The following PRKAR2A variants were observed in gnomAD, a reference collection of about 807,000 sequenced individuals.
PRKAR2A encodes the protein protein kinase cAMP-dependent type II regulatory subunit alpha, also known as cAMP-dependent protein kinase type II-alpha regulatory subunit.
PRKAR2A carries 29 observed loss-of-function variants against 51.9 expected under a neutral mutation model. The observed-to-expected ratio is 0.56, with a 90% CI of 0.42 to 0.76. The LOEUF (loss-of-function observed/expected upper bound fraction) is 0.76, where lower values mean the gene tolerates loss of function less well. Among genes scored for constraint, PRKAR2A ranks in the 30% least tolerant of loss-of-function variants. The pLI is 0.00. For synonymous variants in PRKAR2A, 178 were observed against 186.2 expected (o/e 0.96, Z 0.36); for missense variants, 445 against 512.1 (o/e 0.87, Z 1.26).
At chr3:48,787,153 ATTATTTAT>A (rs56116620) in intron 4 of PRKAR2A, among the ~76,000 whole-genome samples, 94,629 of 149,662 alleles carry the variant, frequency 0.63, 30,767 homozygotes, top group East Asian at 0.95. Context: ...GAGAAAAGTA[ATTATTTAT>A]TTATTTATTT....
At position 48,847,385 on chromosome 3, in the gene PRKAR2A, A is replaced by T; in HGVS notation, c.212T>A (p.Val71Asp). 1.2e-6 allele frequency: 2 copies of T among 1,612,530 alleles called. No individual in the cohort carries two copies. Among genetic ancestry groups the T allele is most frequent in the Non-Finnish European group, 1.7e-6 (2 of 1,179,360 alleles). The change falls in exon 1 of 11, where the codon GTC becomes GAC. Residue 71 changes from valine to aspartate, a missense_variant. Physicochemically the swap from Val to Asp is radical, Grantham distance 152. Transcript: ENST00000265563. The surrounding 1 kb of genome is among the most constrained non-coding windows in gnomAD (Gnocchi z 4.4). ...CTCGCTGTCCCCTTTGGCGTCGGCGACACGGTCCGGGCCGGGTTCTGGCGG... is the reference window on the plus strand; with the variant it reads ...CTCGCTGTCCCCTTTGGCGTCGGCGTCACGGTCCGGGCCGGGTTCTGGCGG... ...HPPPEPGPDR[V>D]ADAKGDSESE...
At chr3:48,767,911 G>A (rs778571633) in intron 6 of PRKAR2A, among the ~76,000 whole-genome samples, 2 of 150,032 alleles carry the variant, frequency 1.3e-5, no homozygotes, top group South Asian at 2.1e-4. Flanking sequence ...GAGACAGAGC[G>A]AGACTCCATC....
chr3:48,801,900 G>GTATT (rs968763657), intron 2 of PRKAR2A, among the ~76,000 whole-genome samples: 2 of 151,314 alleles, frequency 1.3e-5, no homozygotes, highest in Admixed American at 6.6e-5. Flanking sequence ...CTAACTTTGT[G>GTATT]TATTTATTTA....
intron 5 of PRKAR2A, among the ~76,000 whole-genome samples, chr3:48,774,522 T>C (rs1184774167): frequency 6.6e-6 from 1 of 152,080 alleles, no homozygotes; most frequent in Non-Finnish European, 1.5e-5. Flanking sequence ...AAAAAGACAT[T>C]AAAATTTATT....
intron 1 of PRKAR2A, among the ~76,000 whole-genome samples, chr3:48,812,539 G>C (rs191696917): frequency 1.3e-3 from 188 of 150,326 alleles, no homozygotes; most frequent in Non-Finnish European, 2.0e-3. Context: ...CTGGAGTGCA[G>C]TGGCACAATC....
At chr3:48,800,780 TCTC>T (rs2082577181) in intron 2 of PRKAR2A, among the ~76,000 whole-genome samples, 2 of 151,906 alleles carry the variant, frequency 1.3e-5, no homozygotes, top group African/African-American at 4.8e-5. Flanking sequence ...TTCACGCCAT[TCTC>T]CTGCCTCAGC....
intron 1 of PRKAR2A, among the ~76,000 whole-genome samples, chr3:48,836,995 G>A (rs1311289000): frequency 6.6e-6 from 1 of 152,018 alleles, no homozygotes; most frequent in Non-Finnish European, 1.5e-5. Flanking sequence ...GCCAGGCATG[G>A]TGTATGCCTG....
At chr3:48,824,570 AAAG>A (rs2107414991) in intron 1 of PRKAR2A, among the ~76,000 whole-genome samples, 1 of 145,794 alleles carries the variant, frequency 6.9e-6, no homozygotes, top group Non-Finnish European at 1.5e-5. Context: ...AGAAAGAAAG[AAAG>A]AAAGAAAGAA....
chr3:48,837,754 A>C (rs941760676), intron 1 of PRKAR2A, among the ~76,000 whole-genome samples: 4 of 152,162 alleles, frequency 2.6e-5, no homozygotes, highest in African/African-American at 9.7e-5. Flanking sequence ...ACAACAGAAT[A>C]GTATTTAGCA....
At chr3:48,812,163 A>G (rs1233904495) in intron 1 of PRKAR2A, among the ~76,000 whole-genome samples, 2 of 152,184 alleles carry the variant, frequency 1.3e-5, no homozygotes, top group South Asian at 2.1e-4. Flanking sequence ...GTCCTTCAAC[A>G]TGAGTCATGT....
At chr3:48,811,797 T>C (rs1056671438) in intron 1 of PRKAR2A, among the ~76,000 whole-genome samples, 3 of 151,926 alleles carry the variant, frequency 2.0e-5, no homozygotes, top group Non-Finnish European at 4.4e-5. Flanking sequence ...ATTAATTATA[T>C]GTTATCCGAA....
chr3:48,765,615 A>G (rs1408308990), intron 6 of PRKAR2A, among the ~76,000 whole-genome samples: 3 of 151,784 alleles, frequency 2.0e-5, no homozygotes, highest in South Asian at 2.1e-4. Flanking sequence ...GAAAACACCT[A>G]AACATTTATG....
chr3:48,768,352 C>CAGAG (rs1280060416), intron 6 of PRKAR2A, among the ~76,000 whole-genome samples: 1 of 147,634 alleles, frequency 6.8e-6, no homozygotes, highest in African/African-American at 2.5e-5. Flanking sequence ...TATAGACAGA[C>CAGAG]AGAGAGACAG....
At chr3:48,765,908 G>T (rs1320048949) in intron 6 of PRKAR2A, among the ~76,000 whole-genome samples, 2 of 152,060 alleles carry the variant, frequency 1.3e-5, no homozygotes, top group Non-Finnish European at 2.9e-5. Context: ...TTAATGGGGA[G>T]ATAATATAAA....
chr3:48,758,580 CAAAAAAA>C (rs527383934), intron 8 of PRKAR2A, among the ~76,000 whole-genome samples: 8 of 51,092 alleles, frequency 1.6e-4, no homozygotes, highest in Non-Finnish European at 2.4e-4. Context: ...AAGACTGTCT[CAAAAAAA>C]AAAAAAAAAA....
intron 1 of PRKAR2A, among the ~76,000 whole-genome samples, chr3:48,846,960 A>T (rs2107479718): frequency 6.6e-6 from 1 of 152,380 alleles, no homozygotes; most frequent in South Asian, 2.1e-4. Flanking sequence ...TTTCCAAACA[A>T]ACTTACTGTC....
Position 48,748,570 on chromosome 3 carries a change from C to T in PRKAR2A, c.*3015G>A, listed in dbSNP as rs1233029943. On this transcript the variant is annotated 3_prime_UTR_variant, in exon 11 of 11. Coordinates refer to ENST00000265563, the MANE Select transcript of PRKAR2A (RefSeq NM_004157.4). ...GAGAGTGGGATAAGAAGGCCCATCC[C>T]TAGCAGACTGCAGGAGTGACTCTGG... The T allele has an allele frequency of 6.6e-6, 1 of 152,236 alleles. No individual in the cohort carries two copies. Among genetic ancestry groups the T allele is most frequent in the Non-Finnish European group, 1.5e-5 (1 of 68,084 alleles). 9.4% of individuals were successfully genotyped at this position (152,236 alleles called of 1,614,324 possible).
At chr3:48,762,247 T>C (rs944206514) in intron 8 of PRKAR2A, among the ~76,000 whole-genome samples, 4 of 152,084 alleles carry the variant, frequency 2.6e-5, no homozygotes, top group African/African-American at 9.7e-5. Flanking sequence ...AGCAAGACCC[T>C]GACTGTAATT....
intron 1 of PRKAR2A, among the ~76,000 whole-genome samples, chr3:48,817,260 G>C (rs973412260): frequency 1.3e-5 from 2 of 151,900 alleles, no homozygotes; most frequent in Non-Finnish European, 2.9e-5. Flanking sequence ...CCAGGAGGTG[G>C]AGGTTGCAGT....
Sources: allele counts gnomAD v4.1 joint callset (sites outside exome capture counted in the v4.1 genomes callset), GRCh38; gene constraint gnomAD v4.1.1; non-coding constraint Gnocchi (gnomAD v3.1); transcripts MANE v1.5; gene names NCBI Gene and HGNC (gene_info 2026-07-23, HGNC 2026-07-21).